The following LINGO2 variants were observed in gnomAD, a reference collection of about 807,000 sequenced individuals.
LINGO2 encodes leucine rich repeat and Ig domain containing 2, also known as leucine-rich repeat and immunoglobulin-like domain-containing nogo receptor-interacting protein 2.
Under a neutral mutation model 30.6 loss-of-function variants are expected in LINGO2, and 14 were observed. The ratio of observed to expected loss-of-function variants is 0.46; its 90% CI spans 0.30 to 0.72. The LOEUF is 0.72. Ranked by LOEUF, LINGO2 falls within the 30% of genes least tolerant of loss-of-function variation. The pLI is 0.07. For missense variants in LINGO2, 729 were observed against 751.7 expected (o/e 0.97, Z 0.35); for synonymous variants, 317 against 288.5 (o/e 1.10, Z -1.00).
chr9:28,003,350 G>A (rs148656114), intron 5 of LINGO2, among the ~76,000 whole-genome samples: 3 of 115,104 alleles, frequency 2.6e-5, no homozygotes, highest in South Asian at 2.8e-4. Context: ...TATATAGATA[G>A]ATAGATAGAT....
At chr9:28,433,949 C>CTCTCTCTATATATATA (rs1225323260) in intron 2 of LINGO2, among the ~76,000 whole-genome samples, 4 of 88,478 alleles carry the variant, frequency 4.5e-5, no homozygotes, top group African/African-American at 1.8e-4. Flanking sequence ...CTCTCTCTCT[C>CTCTCTCTATATATATA]TATATATATA....
the LINGO2 span, among the ~76,000 whole-genome samples, chr9:29,140,946 T>C: frequency 6.6e-6 from 1 of 151,730 alleles, no homozygotes; most frequent in African/African-American, 2.4e-5. Context: ...CCCTCAAAAA[T>C]AAAAGTGAAA....
chr9:27,950,678 A>T (rs1178950287), exon 6 of LINGO2: 7 of 1,500,178 alleles, frequency 4.7e-6, no homozygotes, highest in Non-Finnish European at 5.3e-6. Flanking sequence ...GCATGACTCC[A>T]CTTCTTAGTC....
At chr9:28,145,267 G>A (rs959081594) in intron 4 of LINGO2, among the ~76,000 whole-genome samples, 1 of 152,160 alleles carries the variant, frequency 6.6e-6, no homozygotes, top group Non-Finnish European at 1.5e-5. Context: ...CATAGTGGGG[G>A]TTGAATACAG....
intron 3 of LINGO2, among the ~76,000 whole-genome samples, chr9:28,336,919 A>G (rs1484958598): frequency 6.6e-6 from 1 of 151,938 alleles, no homozygotes; most frequent in Admixed American, 6.6e-5. Flanking sequence ...AGCTGACCAC[A>G]CATATCACAG....
intron 1 of LINGO2, among the ~76,000 whole-genome samples, chr9:28,629,952 G>A (rs1469455327): frequency 6.7e-6 from 1 of 148,368 alleles, no homozygotes; most frequent in Admixed American, 7.3e-5. Context: ...TCCCCAGAGT[G>A]TGATATTCCC....
At chr9:29,073,129 C>G in the LINGO2 span, among the ~76,000 whole-genome samples, 3 of 151,648 alleles carry the variant, frequency 2.0e-5, no homozygotes, top group African/African-American at 7.3e-5. Context: ...ATCTATTATT[C>G]CATTAGAAAG....
At chr9:28,706,808 T>C in the LINGO2 span, among the ~76,000 whole-genome samples, 3 of 152,116 alleles carry the variant, frequency 2.0e-5, no homozygotes, top group African/African-American at 7.2e-5. Flanking sequence ...TCACTTTGTA[T>C]AATCTTTAGG....
At chr9:28,081,413 A>G (rs1393619692) in intron 4 of LINGO2, among the ~76,000 whole-genome samples, 1 of 152,160 alleles carries the variant, frequency 6.6e-6, no homozygotes, top group Non-Finnish European at 1.5e-5. Flanking sequence ...GAAATAAAAG[A>G]GGGAAAAAAG....
chr9:28,608,701 T>G (rs549215210), intron 1 of LINGO2, among the ~76,000 whole-genome samples: 1 of 152,072 alleles, frequency 6.6e-6, no homozygotes, highest in African/African-American at 2.4e-5. Flanking sequence ...CTACATTCCT[T>G]AAGCTAAAAC....
At chr9:27,974,350 C>G (rs902795617) in intron 5 of LINGO2, among the ~76,000 whole-genome samples, 2 of 152,100 alleles carry the variant, frequency 1.3e-5, no homozygotes, top group Non-Finnish European at 2.9e-5. Flanking sequence ...GTCTTATCAG[C>G]GGTCATAACA....
At chr9:28,567,346 T>C (rs1328732271) in intron 1 of LINGO2, among the ~76,000 whole-genome samples, 1 of 152,122 alleles carries the variant, frequency 6.6e-6, no homozygotes, top group Non-Finnish European at 1.5e-5. Flanking sequence ...TAGCACTCAA[T>C]ATGTTTATCA....
chr9:28,317,826 A>G (rs1824898667), intron 3 of LINGO2, among the ~76,000 whole-genome samples: 1 of 152,178 alleles, frequency 6.6e-6, no homozygotes, highest in African/African-American at 2.4e-5. Flanking sequence ...TTTAAGTCAC[A>G]GTTCTGTCTG....
At chr9:28,468,287 C>T (rs768594387) in intron 2 of LINGO2, among the ~76,000 whole-genome samples, 56 of 152,092 alleles carry the variant, frequency 3.7e-4, no homozygotes, top group Non-Finnish European at 5.9e-4. Context: ...CTCACTTGGA[C>T]CAGAAAGAGC....
At chr9:28,274,299 G>GT (rs1823041840) in intron 4 of LINGO2, among the ~76,000 whole-genome samples, 1 of 151,960 alleles carries the variant, frequency 6.6e-6, no homozygotes, top group African/African-American at 2.4e-5. Context: ...ATTTCTGATA[G>GT]TAATTTTAAA....
rs1449047571 is a variant in LINGO2, at chr9:28,421,825, C to T, written c.-278-48957G>A. Among the ~76,000 whole-genome samples, 3 of 151,854 alleles carry T rather than the reference C, an allele frequency of 2.0e-5. No individual in the cohort carries two copies. In the South Asian group the frequency reaches 6.2e-4, roughly 31 times the overall value. ...CCTTGCATAAATACAGGCATATAGA[C>T]CAAAAAAATAGACAACTCAGAAATA... On this transcript the variant is annotated intron_variant, in intron 2 of 5. Coordinates refer to ENST00000379992, the Ensembl canonical transcript of LINGO2.
chr9:28,694,740 T>C, the LINGO2 span, among the ~76,000 whole-genome samples: 1 of 151,972 alleles, frequency 6.6e-6, no homozygotes, highest in Non-Finnish European at 1.5e-5. Context: ...ATGCTGTTAA[T>C]TATCTTTTCA....
chr9:28,843,048 C>T, the LINGO2 span, among the ~76,000 whole-genome samples: 1 of 151,762 alleles, frequency 6.6e-6, no homozygotes, highest in Admixed American at 6.6e-5. Context: ...TGAAACTGAA[C>T]TACGACAACT....
intron 5 of LINGO2, among the ~76,000 whole-genome samples, chr9:27,958,086 T>G (rs1302260021): frequency 6.6e-6 from 1 of 152,168 alleles, no homozygotes; most frequent in Non-Finnish European, 1.5e-5. Flanking sequence ...TAGCTGTGGG[T>G]TTTTCATAGA....
Sources: gnomAD v4.1 joint callset for allele counts (sites outside exome capture counted in the v4.1 genomes callset) on GRCh38, gnomAD v4.1.1 for gene constraint, MANE v1.5 for transcripts, NCBI Gene and HGNC (gene_info 2026-07-23, HGNC 2026-07-21) for gene names.